FIG4: variants seen among roughly 807,000 people sequenced by gnomAD.
FIG4 encodes the protein FIG4 phosphoinositide 5-phosphatase.
A neutral mutation model predicts 118.6 loss-of-function variants in FIG4; 112 were observed. The observed-to-expected ratio is 0.94, with a 90% confidence interval of 0.81 to 1.11. The LOEUF (loss-of-function observed/expected upper bound fraction) is 1.11, where lower values mean the gene tolerates loss of function less well. FIG4 is among the 50% of genes least tolerant of loss of function. The pLI is 0.00. For missense variants in FIG4, 969 were observed against 1,111.7 expected, an observed-to-expected ratio of 0.87 and a Z score of 1.83; for synonymous variants, 369 against 381.2, an observed-to-expected ratio of 0.97 and a Z score of 0.37.
chr6:109,791,244 T>C, intron 19 of FIG4, 132 bp from the exon 20 acceptor site: 1 of 780,378 alleles, frequency 1.3e-6, no homozygotes, highest in Non-Finnish European at 2.2e-6. Context: ...TAGCACAACC[T>C]GAATCCAGAA....
At chr6:109,775,985 G>A (rs1168715341) in intron 15 of FIG4, among the ~76,000 whole-genome samples, 1 of 152,120 alleles carries the variant, frequency 6.6e-6, no homozygotes, top group Non-Finnish European at 1.5e-5. Context: ...TTTCTACTGT[G>A]CTATCTTTTT....
chr6:109,697,691 G>T (rs1221875804), intron 1 of FIG4, among the ~76,000 whole-genome samples: 1 of 152,212 alleles, frequency 6.6e-6, no homozygotes, highest in African/African-American at 2.4e-5. Flanking sequence ...GCCATACGAA[G>T]GACATGAATA....
At chr6:109,707,386 C>T (rs1354016075) in intron 1 of FIG4, among the ~76,000 whole-genome samples, 2 of 147,080 alleles carry the variant, frequency 1.4e-5, no homozygotes, top group Non-Finnish European at 3.0e-5. Context: ...TACATATATA[C>T]ACATATGTAT....
At chr6:109,731,573 A>C (rs1208257298) in intron 4 of FIG4, among the ~76,000 whole-genome samples, 1 of 152,214 alleles carries the variant, frequency 6.6e-6, no homozygotes, top group Admixed American at 6.5e-5. Flanking sequence ...TGTACTGAAC[A>C]TGTACAGATG....
At chr6:109,733,646 G>A (rs1036473232) in intron 5 of FIG4, among the ~76,000 whole-genome samples, 3 of 152,024 alleles carry the variant, frequency 2.0e-5, no homozygotes, top group Non-Finnish European at 4.4e-5. Flanking sequence ...CCTGAAGGAA[G>A]TTGATTATTT....
At chr6:109,691,630 A>T in intron 1 of FIG4, 129 bp downstream of exon 1, 1 of 909,552 alleles carries the variant, frequency 1.1e-6, no homozygotes, top group Non-Finnish European at 1.8e-6. Flanking sequence ...CCTGTCAAAC[A>T]CAGCCTTGGG....
chr6:109,822,745 G>T (rs1779038063), intron 22 of FIG4, among the ~76,000 whole-genome samples: 2 of 143,172 alleles, frequency 1.4e-5, no homozygotes. Context: ...CACATTACTT[G>T]GTGGGGATGG....
At chr6:109,741,610 G>T in intron 8 of FIG4, 66 bp downstream of exon 8, 1 of 1,029,030 alleles carries the variant, frequency 9.7e-7, no homozygotes, top group Non-Finnish European at 1.5e-6. Context: ...TGATGTAGAA[G>T]CACAGTGAAA....
chr6:109,824,859 G>A (rs2128402615), intron 22 of FIG4, among the ~76,000 whole-genome samples: 1 of 152,306 alleles, frequency 6.6e-6, no homozygotes, highest in South Asian at 2.1e-4. Flanking sequence ...AGAGGGGTGT[G>A]CCCTGCCTAT....
chr6:109,695,589 CACACACACACAG>C (rs1774689550), intron 1 of FIG4, among the ~76,000 whole-genome samples: 1 of 149,738 alleles, frequency 6.7e-6, no homozygotes, highest in Non-Finnish European at 1.5e-5. Context: ...TACACACACA[CACACACACACAG>C]ACACACACAC....
chr6:109,825,093 C>T lies in FIG4; in HGVS notation c.2552C>T (p.Pro851Leu), dbSNP rs201375273. Residue 851 changes from proline (P) to leucine (L), a missense_variant, in exon 23 of 23, where the codon CCC becomes CTC. Physicochemically the swap from Pro to Leu is moderately conservative, Grantham distance 98. Around this residue, in one of 3 missense-constraint regions of FIG4, gnomAD observed 330 missense variants for 348.1 expected, o/e 0.95. Coordinates refer to ENST00000230124, the MANE Select transcript of FIG4 (RefSeq NM_014845.6). ...TCTTTATTCATCTTTTATAGAACAC[C>T]CATCTCGGCTTTCTCGCAAGATAAC... ...RCSDGVIKLT[P>L]ISAFSQDNIY... 18 of 1,613,460 alleles carry T rather than the reference C, an allele frequency of 1.1e-5. No homozygotes were observed. In the East Asian group the frequency reaches 3.6e-4, roughly 32 times the overall value.
chr6:109,776,623 T>C (rs1359745747), intron 15 of FIG4, among the ~76,000 whole-genome samples: 1 of 152,176 alleles, frequency 6.6e-6, no homozygotes, highest in Non-Finnish European at 1.5e-5. Context: ...CTATCTAAGG[T>C]ATTTACTATC....
intron 3 of FIG4, among the ~76,000 whole-genome samples, chr6:109,718,237 G>A (rs1001015201): frequency 6.6e-6 from 1 of 152,038 alleles, no homozygotes; most frequent in African/African-American, 2.4e-5. Context: ...AGCACCAAAG[G>A]GGTGGTTGTA....
chr6:109,782,038 T>G (rs1777821645), intron 16 of FIG4, among the ~76,000 whole-genome samples: 1 of 152,130 alleles, frequency 6.6e-6, no homozygotes. Context: ...GCTCCCAAGT[T>G]AGCTAGGAAA....
At chr6:109,737,170 G>A (rs1374717866) in intron 6 of FIG4, among the ~76,000 whole-genome samples, 3 of 152,096 alleles carry the variant, frequency 2.0e-5, no homozygotes, top group Non-Finnish European at 2.9e-5. Flanking sequence ...CATCTTTGTC[G>A]AAGGTGAGAT....
At chr6:109,723,794 TCAG>T (rs946109907) in intron 3 of FIG4, among the ~76,000 whole-genome samples, 2 of 152,186 alleles carry the variant, frequency 1.3e-5, no homozygotes, top group Non-Finnish European at 2.9e-5. Context: ...CCCAGAGCTG[TCAG>T]CAGTTGTGTT....
intron 1 of FIG4, chr6:109,701,851 A>G (rs1009440043): frequency 4.7e-6 from 2 of 430,040 alleles, no homozygotes; most frequent in South Asian, 1.7e-5. Flanking sequence ...AGAGAGAAAC[A>G]TAGCGATTAT....
intron 4 of FIG4, among the ~76,000 whole-genome samples, chr6:109,728,673 T>C (rs1309847102): frequency 1.3e-5 from 2 of 152,144 alleles, no homozygotes; most frequent in African/African-American, 2.4e-5. Flanking sequence ...TTTGTTTCAT[T>C]TGAGGATAAG....
intron 22 of FIG4, among the ~76,000 whole-genome samples, chr6:109,806,175 A>G (rs1044886596): frequency 2.0e-5 from 3 of 152,222 alleles, no homozygotes; most frequent in African/African-American, 7.2e-5. Flanking sequence ...TTGTCATGCT[A>G]TAACAGAATC....
Sources: allele counts gnomAD v4.1 joint callset (sites outside exome capture counted in the v4.1 genomes callset), GRCh38; gene constraint gnomAD v4.1.1; regional missense constraint gnomAD v4.1.1; transcripts MANE v1.5; gene names NCBI Gene and HGNC (gene_info 2026-07-23, HGNC 2026-07-21).